The following CHST11 variants were observed in gnomAD, a reference collection of about 807,000 sequenced individuals.
CHST11 encodes the protein C4S-1.
CHST11 carries 9 observed loss-of-function variants against 30.4 expected under a neutral mutation model. The observed-to-expected ratio is 0.30, with a 90% CI of 0.18 to 0.52. The LOEUF is 0.52. Among genes scored for constraint, CHST11 ranks in the 20% least tolerant of loss-of-function variants. The pLI, the probability that CHST11 is intolerant of heterozygous loss-of-function variation, is 0.97. For missense variants in CHST11, 348 were observed against 460.6 expected (o/e 0.76, Z 2.24); for synonymous variants, 152 against 187.8 (o/e 0.81, Z 1.56).
chr12:104,733,079 G>T (rs1183458806), intron 2 of CHST11, among the ~76,000 whole-genome samples: 1 of 152,240 alleles, frequency 6.6e-6, no homozygotes, highest in Non-Finnish European at 1.5e-5. Flanking sequence ...GGTGATGTGT[G>T]CAAGGTCACG....
chr12:104,699,656 G>A (rs1174979794), intron 2 of CHST11, among the ~76,000 whole-genome samples: 4 of 152,200 alleles, frequency 2.6e-5, no homozygotes, highest in South Asian at 2.1e-4. Context: ...CGCATAACAC[G>A]TGGTTTCCAC....
rs559736147 is a variant in CHST11 at position 104,615,570 on chromosome 12, G to A, written c.204+13579G>A. The stretch of plus-strand genomic sequence containing the variant: ...TGAAATCCCAGCACCAGCGCCTGCC[G>A]GCTGTGTGATGTAGGAGAGCTTCTT... On this transcript the variant is annotated intron_variant, in intron 2 of 2. Coordinates refer to ENST00000303694, the MANE Select transcript of CHST11 (RefSeq NM_018413.6). 1.5e-4 allele frequency among the ~76,000 whole-genome samples: 23 copies of A among 152,322 alleles called. No homozygotes were observed. The East Asian group carries it at 1.5e-3, about 10-fold the overall frequency.
At chr12:104,466,618 A>G (rs1002325274) in intron 1 of CHST11, among the ~76,000 whole-genome samples, 1 of 152,242 alleles carries the variant, frequency 6.6e-6, no homozygotes, top group Non-Finnish European at 1.5e-5. Context: ...GAAGCCTGGG[A>G]AATACAGCTT....
At chr12:104,687,328 A>T in intron 2 of CHST11, among the ~76,000 whole-genome samples, 1 of 152,274 alleles carries the variant, frequency 6.6e-6, no homozygotes. Flanking sequence ...GGCACTAAGT[A>T]AATGTGTATA....
intron 2 of CHST11, among the ~76,000 whole-genome samples, chr12:104,745,548 T>C (rs935233879): frequency 6.6e-6 from 1 of 152,242 alleles, no homozygotes; most frequent in Non-Finnish European, 1.5e-5. Context: ...ATTTTAATGA[T>C]ATTGATTCTT....
At chr12:104,513,263 G>A (rs2037988019) in intron 1 of CHST11, among the ~76,000 whole-genome samples, 1 of 151,898 alleles carries the variant, frequency 6.6e-6, no homozygotes, top group Non-Finnish European at 1.5e-5. Flanking sequence ...GAGAATACTG[G>A]TTGCAATAAT....
At chr12:104,675,515 G>A (rs2039732907) in intron 2 of CHST11, among the ~76,000 whole-genome samples, 2 of 152,138 alleles carry the variant, frequency 1.3e-5, no homozygotes, top group Admixed American at 6.5e-5. Context: ...CCAATTAACT[G>A]AGGCCATAAG....
chr12:104,510,879 A>G (rs1372964773), intron 1 of CHST11, among the ~76,000 whole-genome samples: 3 of 151,832 alleles, frequency 2.0e-5, no homozygotes, highest in African/African-American at 7.3e-5. Context: ...GATAGCTTGT[A>G]CTTTGAGGAA....
At chr12:104,532,330 C>T (rs2038193818) in intron 1 of CHST11, among the ~76,000 whole-genome samples, 1 of 152,018 alleles carries the variant, frequency 6.6e-6, no homozygotes, top group Admixed American at 6.6e-5. Context: ...ACCCCCACCC[C>T]GTTATAAGAA....
At chr12:104,607,515 G>A (rs896369629) in intron 2 of CHST11, among the ~76,000 whole-genome samples, 4 of 152,162 alleles carry the variant, frequency 2.6e-5, no homozygotes, top group South Asian at 4.1e-4. Context: ...GGAGTGAGTG[G>A]TTAGCCTCTG....
intron 2 of CHST11, among the ~76,000 whole-genome samples, chr12:104,738,327 C>G (rs746359038): frequency 1.3e-5 from 2 of 152,230 alleles, no homozygotes; most frequent in Non-Finnish European, 2.9e-5. Context: ...CCTGTTCCCC[C>G]ACCCAATCCT....
chr12:104,723,620 G>A (rs2040195359), intron 2 of CHST11, among the ~76,000 whole-genome samples: 1 of 152,188 alleles, frequency 6.6e-6, no homozygotes, highest in Non-Finnish European at 1.5e-5. Flanking sequence ...CTGGGAGGTG[G>A]TAAGAGTTGG....
chr12:104,637,302 TAAAAAA>T (rs10622882), intron 2 of CHST11, among the ~76,000 whole-genome samples: 13 of 62,594 alleles, frequency 2.1e-4, no homozygotes, highest in African/African-American at 3.4e-4. Context: ...TGAGACCCTG[TAAAAAA>T]AAAAAAAAAA....
At chr12:104,667,252 A>C (rs1320508211) in intron 2 of CHST11, among the ~76,000 whole-genome samples, 1 of 152,118 alleles carries the variant, frequency 6.6e-6, no homozygotes, top group Non-Finnish European at 1.5e-5. Context: ...AGTTGACAGC[A>C]CTTTGGCACC....
chr12:104,671,762 CTG>C (rs893008119), intron 2 of CHST11, among the ~76,000 whole-genome samples: 4 of 151,980 alleles, frequency 2.6e-5, no homozygotes, highest in African/African-American at 9.7e-5. Context: ...CTCTCTCTCT[CTG>C]TCTCTCTCTC....
intron 1 of CHST11, among the ~76,000 whole-genome samples, chr12:104,574,048 A>G: frequency 6.6e-6 from 1 of 152,260 alleles, no homozygotes. Context: ...CAAGTGGGCG[A>G]AGGATATGAA....
At position 104,493,595 on chromosome 12, in the gene CHST11, T is replaced by A. The variant is rs143828005; in HGVS notation, c.118+36066T>A. 1.1e-4 allele frequency among the ~76,000 whole-genome samples: 17 copies of A among 152,314 alleles called. No individual in the cohort carries two copies. In the East Asian group the frequency reaches 2.7e-3, roughly 24 times the overall value. Reference sequence around the variant, plus strand: ...CAGAAGTGGGAAATGGAGGGAGAGTTTGAAGGCCTGAAGGCGTTCCATCAA... The same window carrying A: ...CAGAAGTGGGAAATGGAGGGAGAGTATGAAGGCCTGAAGGCGTTCCATCAA... On this transcript the variant is annotated intron_variant, in intron 1 of 2. Coordinates refer to ENST00000303694, the MANE Select transcript of CHST11 (RefSeq NM_018413.6).
At chr12:104,512,287 G>A (rs1384956276) in intron 1 of CHST11, among the ~76,000 whole-genome samples, 1 of 152,180 alleles carries the variant, frequency 6.6e-6, no homozygotes, top group Non-Finnish European at 1.5e-5. Context: ...CGCTCTACAG[G>A]ATCCTTTGTG....
At chr12:104,497,934 T>TTTTTTA in intron 1 of CHST11, among the ~76,000 whole-genome samples, 2 of 123,232 alleles carry the variant, frequency 1.6e-5, no homozygotes, top group East Asian at 2.3e-4. Context: ...TTTTTTTTTT[T>TTTTTTA]GAGACAGAGT....
Sources: gnomAD v4.1 joint callset for allele counts (sites outside exome capture counted in the v4.1 genomes callset) on GRCh38, gnomAD v4.1.1 for gene constraint, MANE v1.5 for transcripts, NCBI Gene and HGNC (gene_info 2026-07-23, HGNC 2026-07-21) for gene names.